TRABD2B: variants seen among roughly 807,000 people sequenced by gnomAD.
TRABD2B encodes TraB domain containing 2B.
A neutral mutation model predicts 40.1 loss-of-function variants in TRABD2B; 14 were observed. That is an observed-to-expected ratio of 0.35 (90% CI 0.23 to 0.55). The LOEUF is 0.55. Ranked by LOEUF, TRABD2B falls within the 20% of genes least tolerant of loss-of-function variation. The pLI, the probability that TRABD2B is intolerant of heterozygous loss-of-function variation, is 0.90. For synonymous variants in TRABD2B, 263 were observed against 277.0 expected (o/e 0.95, Z 0.50); for missense variants, 541 against 648.6 (o/e 0.83, Z 1.80).
intron 2 of TRABD2B, among the ~76,000 whole-genome samples, chr1:47,969,770 G>A (rs145148182): frequency 0.013 from 1,960 of 152,318 alleles, 23 homozygotes; most frequent in Non-Finnish European, 0.016. Context: ...GTCCCTTGCA[G>A]AGCCAGCCCT....
At position 47,994,640 on chromosome 1, in the gene TRABD2B, A is replaced by C; in HGVS notation, c.103-43T>G. ...AGGCAAGGCAGTGAGGCCGAAGGCA[A>C]CAGAGTAGAGTCAGGGTAGCCCAGA... On this transcript the variant is annotated intron_variant, in intron 1 of 6. Transcript: ENST00000606738. This position sits in a 1 kb window ranked among gnomAD's most constrained non-coding sequence, Gnocchi z 6.7. 1 of 1,503,608 alleles carries C rather than the reference A, an allele frequency of 6.7e-7. No homozygotes were observed. Among genetic ancestry groups the C allele is most frequent in the South Asian group, 1.3e-5 (1 of 78,280 alleles). 93.1% of individuals were successfully genotyped at this position (1,503,608 alleles called of 1,614,324 possible). A position where few individuals can be genotyped will look rare whatever the true frequency, so the allele number is the denominator to read the frequency against.
intron 6 of TRABD2B, among the ~76,000 whole-genome samples, chr1:47,766,962 C>T (rs1204251852): frequency 6.6e-6 from 1 of 152,138 alleles, no homozygotes; most frequent in Admixed American, 6.5e-5. Flanking sequence ...TGACCTGAGC[C>T]CAGCACACGG....
chr1:47,988,398 C>T (rs1018544345), intron 2 of TRABD2B, among the ~76,000 whole-genome samples: 1 of 152,144 alleles, frequency 6.6e-6, no homozygotes, highest in South Asian at 2.1e-4. Context: ...AGACACATTT[C>T]GAAGTCTCTT....
At chr1:47,842,226 G>C (rs1393754376) in intron 2 of TRABD2B, among the ~76,000 whole-genome samples, 2 of 152,218 alleles carry the variant, frequency 1.3e-5, no homozygotes, top group Non-Finnish European at 2.9e-5. Context: ...ATAGAGAATG[G>C]TGATACTGGC....
intron 2 of TRABD2B, among the ~76,000 whole-genome samples, chr1:47,831,703 G>A (rs751883902): frequency 1.4e-4 from 21 of 152,156 alleles, no homozygotes; most frequent in African/African-American, 3.1e-4. Flanking sequence ...AATCACCAGC[G>A]GGTCGCAAAC....
At chr1:47,921,032 C>T (rs1269522736) in intron 2 of TRABD2B, among the ~76,000 whole-genome samples, 1 of 152,196 alleles carries the variant, frequency 6.6e-6, no homozygotes, top group Non-Finnish European at 1.5e-5. Context: ...TTTAGAAACA[C>T]CTTTGAGGTT....
chr1:47,938,347 C>T (rs1645141417), intron 2 of TRABD2B, among the ~76,000 whole-genome samples: 1 of 152,200 alleles, frequency 6.6e-6, no homozygotes. Context: ...TTAGTCCCAG[C>T]TCTATCTGTC....
chr1:47,859,659 G>A lies in TRABD2B; in HGVS notation c.667-58040C>T, dbSNP rs74555650. Among the ~76,000 whole-genome samples, 57 of 152,336 alleles carry A rather than the reference G, an allele frequency of 3.7e-4. 1 individual carries two copies. The East Asian group carries it at 0.01, about 27-fold the overall frequency. ...GCTGCTGCTCATCGTGGTGGAAGAAGCAGTGATCACATCTCCTGGCTCAGA... is the reference window on the plus strand; with the variant it reads ...GCTGCTGCTCATCGTGGTGGAAGAAACAGTGATCACATCTCCTGGCTCAGA... On this transcript the variant is annotated intron_variant, in intron 2 of 6. Transcript: ENST00000606738.
chr1:47,981,903 C>A (rs1213767709), intron 2 of TRABD2B, among the ~76,000 whole-genome samples: 1 of 152,172 alleles, frequency 6.6e-6, no homozygotes, highest in Admixed American at 6.5e-5. Flanking sequence ...CCTGTCTGAG[C>A]AGTAGAGGAA....
intron 2 of TRABD2B, among the ~76,000 whole-genome samples, chr1:47,964,912 C>G (rs988449968): frequency 2.6e-5 from 4 of 151,998 alleles, no homozygotes; most frequent in Non-Finnish European, 4.4e-5. Context: ...ACTTCCTACC[C>G]CAGGCAGACA....
rs1031097780 is a variant in TRABD2B, at chr1:47,775,357, C to T, written c.1162G>A (p.Glu388Lys). 24 of 1,238,370 alleles carry T rather than the reference C, an allele frequency of 1.9e-5. No individual in the cohort carries two copies. The East Asian group carries it at 4.1e-4, about 21-fold the overall frequency. The allele number at this position is 1,238,370 out of a possible 1,614,324, so 76.7% of individuals were successfully genotyped here. ...APVTPAAAVP[E>K]APSVTPTAPP... ...GCGGTGGGGGTCACAGAGGGTGCTTCGGGGACAGCGGCAGCTGGGGTCACT... is the reference window on the plus strand; with the variant it reads ...GCGGTGGGGGTCACAGAGGGTGCTTTGGGGACAGCGGCAGCTGGGGTCACT... Residue 388 changes from glutamate to lysine, a missense_variant, in exon 6 of 7, where the codon GAA becomes AAA. By Grantham distance (56) the Glu-to-Lys change is moderately conservative (BLOSUM62 1). This residue lies in a region of TRABD2B where 172 missense variants were observed against 155.8 expected (regional missense o/e 1.10). Transcript: ENST00000606738.
intron 2 of TRABD2B, among the ~76,000 whole-genome samples, chr1:47,881,575 C>T (rs1644304812): frequency 6.6e-6 from 1 of 152,196 alleles, no homozygotes; most frequent in Non-Finnish European, 1.5e-5. Flanking sequence ...CCCAAAGGCA[C>T]AGTTCTAGCA....
chr1:47,911,593 G>T (rs1644763699), intron 2 of TRABD2B, among the ~76,000 whole-genome samples: 1 of 152,228 alleles, frequency 6.6e-6, no homozygotes, highest in Non-Finnish European at 1.5e-5. Flanking sequence ...ATGTGGACGG[G>T]TCCCTGGACA....
At chr1:47,868,410 C>T (rs774490181) in intron 2 of TRABD2B, among the ~76,000 whole-genome samples, 23 of 152,086 alleles carry the variant, frequency 1.5e-4, no homozygotes, top group Non-Finnish European at 2.9e-4. Flanking sequence ...GACTCTAAAG[C>T]GGGGTCCCCA....
At chr1:47,959,316 G>A (rs1281065725) in intron 2 of TRABD2B, among the ~76,000 whole-genome samples, 8 of 151,892 alleles carry the variant, frequency 5.3e-5, no homozygotes, top group South Asian at 2.1e-4. Flanking sequence ...GAGAAGCAAC[G>A]GCAAACACAT....
intron 4 of TRABD2B, among the ~76,000 whole-genome samples, chr1:47,784,456 A>C (rs902470698): frequency 1.3e-5 from 2 of 152,152 alleles, no homozygotes; most frequent in Non-Finnish European, 2.9e-5. Context: ...ATGTTCCCAC[A>C]AAGGCTCCAA....
chr1:47,848,904 C>T, intron 2 of TRABD2B, among the ~76,000 whole-genome samples: 1 of 152,200 alleles, frequency 6.6e-6, no homozygotes, highest in East Asian at 1.9e-4. Context: ...GGATATTAGG[C>T]TATCTTCCCT....
In TRABD2B at chr1:47,885,263, G is replaced by A. The variant is rs201701345; in HGVS notation, c.667-83644C>T. ...TTAACCAACTCCTACACATCCTTTG[G>A]GCCTAAGCTTAGTGTCCACCTCCTC... On this transcript the variant is annotated intron_variant, in intron 2 of 6. Coordinates refer to ENST00000606738, the MANE Select transcript of TRABD2B (RefSeq NM_001194986.2). Among the ~76,000 whole-genome samples, 22 of 152,116 alleles carry A rather than the reference G, an allele frequency of 1.4e-4. No homozygotes were observed. In the East Asian group the frequency reaches 3.3e-3, roughly 23 times the overall value.
intron 2 of TRABD2B, among the ~76,000 whole-genome samples, chr1:47,928,555 T>G (rs778647172): frequency 9.2e-5 from 14 of 152,146 alleles, no homozygotes; most frequent in Non-Finnish European, 1.8e-4. Context: ...CCTCCAACAA[T>G]GCAGACACAG....
Sources: allele counts gnomAD v4.1 joint callset (sites outside exome capture counted in the v4.1 genomes callset), GRCh38; gene constraint gnomAD v4.1.1; regional missense constraint gnomAD v4.1.1; non-coding constraint Gnocchi (gnomAD v3.1); transcripts MANE v1.5; gene names NCBI Gene and HGNC (gene_info 2026-07-23, HGNC 2026-07-21).